The following SLC22A8 variants were observed in gnomAD, a reference collection of about 807,000 sequenced individuals.
The protein encoded by SLC22A8 is solute carrier family 22 member 8, also known as organic anion transporter 3.
SLC22A8 carries 40 observed loss-of-function variants against 48.4 expected under a neutral mutation model. The ratio of observed to expected loss-of-function variants is 0.83; its 90% confidence interval spans 0.64 to 1.08. SLC22A8 has a LOEUF of 1.08. SLC22A8 is among the 50% of genes least tolerant of loss of function. SLC22A8 has a pLI of 0.00. For synonymous variants in SLC22A8, 268 were observed against 286.3 expected, an observed-to-expected ratio of 0.94 and a Z score of 0.65; for missense variants, 606 against 699.0, an observed-to-expected ratio of 0.87 and a Z score of 1.50.
At chr11:63,007,505 T>G (rs2086569389) in intron 2 of SLC22A8, among the ~76,000 whole-genome samples, 1 of 152,192 alleles carries the variant, frequency 6.6e-6, no homozygotes, top group South Asian at 2.1e-4. Context: ...TTTGTATTTT[T>G]AGTAGAGACG....
intron 2 of SLC22A8, among the ~76,000 whole-genome samples, chr11:63,005,801 A>T (rs2086547657): frequency 6.6e-6 from 1 of 152,148 alleles, no homozygotes; most frequent in Non-Finnish European, 1.5e-5. Flanking sequence ...ACACACCAAC[A>T]CCTTGAGTTT....
At position 62,993,070 on chromosome 11, in the gene SLC22A8, G is replaced by T. The variant is rs1269433779; in HGVS notation, c.*167C>A. 3.4e-5 allele frequency: 21 copies of T among 609,116 alleles called. No individual in the cohort carries two copies. The Admixed American group carries it at 6.2e-4, about 18-fold the overall frequency. The allele number at this position is 609,116 out of a possible 1,614,324, so 37.7% of individuals were successfully genotyped here. ...GCAGGGATGGCTGAACCTTTGAACT[G>T]GCCAGGGCTGGGCAGGAGGCTCTGG... On this transcript the variant is annotated 3_prime_UTR_variant, in exon 11 of 11. Transcript: ENST00000336232.
chr11:62,995,455 A>G, intron 7 of SLC22A8: 1 of 540,164 alleles, frequency 1.9e-6, no homozygotes. Context: ...GGGGCCTGGA[A>G]CATTTGTCCT....
intron 2 of SLC22A8, among the ~76,000 whole-genome samples, chr11:63,002,900 T>G (rs1372384079): frequency 6.6e-6 from 1 of 152,192 alleles, no homozygotes; most frequent in Admixed American, 6.5e-5. Context: ...TATCATGCTA[T>G]TTTACAGATA....
chr11:63,006,609 T>G (rs1242698380), intron 2 of SLC22A8, among the ~76,000 whole-genome samples: 1 of 121,386 alleles, frequency 8.2e-6, no homozygotes, highest in Non-Finnish European at 1.7e-5. Flanking sequence ...TTTTTTTTTT[T>G]TTTTTTTTTT....
intron 2 of SLC22A8, among the ~76,000 whole-genome samples, chr11:63,003,922 G>A (rs1439039372): frequency 1.3e-5 from 2 of 152,118 alleles, no homozygotes; most frequent in Non-Finnish European, 2.9e-5. Flanking sequence ...ATGAGAAAGA[G>A]AAACACTTCA....
intron 2 of SLC22A8, among the ~76,000 whole-genome samples, chr11:63,011,219 G>A (rs575490085): frequency 2.2e-4 from 33 of 152,328 alleles, no homozygotes; most frequent in Admixed American, 1.8e-3. Context: ...TGTATGAAAC[G>A]TGAGGCCTTG....
At position 62,993,449 on chromosome 11, in the gene SLC22A8, C is replaced by T; in HGVS notation, c.1504G>A (p.Glu502Lys). Residue 502 changes from glutamate to lysine, a missense_variant, in exon 10 of 11, where the codon GAG (glutamate) becomes AAG (lysine). Transcript: ENST00000336232. The part of the protein sequence containing the change: ...LPETLNQPLP[E>K]TIEDLENWSL... Reference sequence around the variant, plus strand: ...CAGTTTTCCAGGTCTTCGATAGTCTCTGGCAAGGGCTGATTCAGGGTCTCA... The same window carrying T: ...CAGTTTTCCAGGTCTTCGATAGTCTTTGGCAAGGGCTGATTCAGGGTCTCA... The T allele has an allele frequency of 6.2e-7, 1 of 1,614,188 alleles. No homozygotes were observed. Among genetic ancestry groups the T allele is most frequent in the Non-Finnish European group, 8.5e-7 (1 of 1,180,022 alleles).
intron 2 of SLC22A8, among the ~76,000 whole-genome samples, chr11:63,002,238 A>G (rs916224641): frequency 2.6e-5 from 4 of 152,186 alleles, no homozygotes; most frequent in Non-Finnish European, 4.4e-5. Context: ...AAAAAAAATT[A>G]TATCATTTTT....
intron 1 of SLC22A8, among the ~76,000 whole-genome samples, chr11:63,015,510 G>A (rs938382759): frequency 6.6e-6 from 1 of 152,242 alleles, no homozygotes; most frequent in South Asian, 2.1e-4. Context: ...GGTTAGCAGA[G>A]TTCAGGTTGT....
intron 7 of SLC22A8, 60 bp from the exon 8 acceptor site, chr11:62,994,816 T>C (rs2086395789): frequency 7.8e-7 from 1 of 1,282,648 alleles, no homozygotes. Flanking sequence ...CTCCCCATGC[T>C]GGTCATTGGG....
intron 3 of SLC22A8, 65 bp downstream of exon 3, chr11:63,000,655 G>C: frequency 8.3e-7 from 1 of 1,199,924 alleles, no homozygotes; most frequent in Non-Finnish European, 1.2e-6. Context: ...TGCACGGGTG[G>C]AGCAGAGTAG....
intron 3 of SLC22A8, 45 bp from the exon 4 acceptor site, chr11:62,999,887 C>T (rs747886985): frequency 7.0e-7 from 1 of 1,422,428 alleles, no homozygotes; most frequent in South Asian, 1.6e-5. Flanking sequence ...CACAGTGTGC[C>T]TGCCAAGAGG....
In SLC22A8 at chr11:62,993,181, A is replaced by G; in HGVS notation, c.*56T>C. Reference sequence around the variant, plus strand: ...CTATATGGGGCCTCCCTATACTCCTAAGGTGCCTGGCTAGGATCAGTCTCT... The same window carrying G: ...CTATATGGGGCCTCCCTATACTCCTGAGGTGCCTGGCTAGGATCAGTCTCT... On this transcript the variant is annotated 3_prime_UTR_variant, in exon 11 of 11. Coordinates refer to ENST00000336232, the MANE Select transcript of SLC22A8 (RefSeq NM_004254.4). The G allele has an allele frequency of 7.2e-7, 1 of 1,391,706 alleles. No individual in the cohort carries two copies. The highest frequency in any genetic ancestry group is 1.0e-6 in the Non-Finnish European group (1 of 997,024). The allele number at this position is 1,391,706 out of a possible 1,614,324, so 86.2% of individuals were successfully genotyped here.
chr11:62,996,846 G>A (rs1370239706), intron 5 of SLC22A8, among the ~76,000 whole-genome samples: 1 of 152,244 alleles, frequency 6.6e-6, no homozygotes, highest in Non-Finnish European at 1.5e-5. Flanking sequence ...TGAGATGTGG[G>A]GAGAAAGGAG....
Position 63,014,819 on chromosome 11 carries a change from T to C in SLC22A8, c.140A>G (p.His47Arg), listed in dbSNP as rs2086656601. The C allele has an allele frequency of 5.0e-6, 8 of 1,612,436 alleles. No individual in the cohort carries two copies. The highest frequency in any genetic ancestry group is 6.8e-6 in the Non-Finnish European group (8 of 1,178,742). The change falls in exon 2 of 11, where the codon CAC (histidine) becomes CGC (arginine). Residue 47 changes from histidine (H) to arginine (R), a missense_variant. Physicochemically the swap from His to Arg is conservative, Grantham distance 29 (BLOSUM62 0). Transcript: ENST00000336232. ...LQIFTAATPV[H>R]HCRPPHNAST... ...GGCATTGTGGGGCGGGCGACAGTGG[T>C]GGACAGGGGTGGCGGCTGTGAAGAT...
chr11:63,014,170 G>A (rs1183512520), intron 2 of SLC22A8, among the ~76,000 whole-genome samples: 1 of 152,124 alleles, frequency 6.6e-6, no homozygotes, highest in East Asian at 1.9e-4. Context: ...TCAGTTCCAG[G>A]GGCATTTCTG....
At chr11:63,001,572 G>C (rs2086495511) in intron 2 of SLC22A8, among the ~76,000 whole-genome samples, 1 of 152,206 alleles carries the variant, frequency 6.6e-6, no homozygotes, top group Non-Finnish European at 1.5e-5. Flanking sequence ...CCCTCCGTCA[G>C]GCTTCCTGCT....
At position 62,995,711 on chromosome 11, in the gene SLC22A8, G is replaced by A. The variant is rs757221205; in HGVS notation, c.994C>T (p.Leu332=). 6.2e-7 allele frequency: 1 copy of A among 1,613,214 alleles called. No individual in the cohort carries two copies. Among genetic ancestry groups the A allele is most frequent in the East Asian group, 2.2e-5 (1 of 44,872 alleles). Residue 332 remains leucine, a synonymous_variant, in exon 7 of 11, where the codon CTG becomes TTG. Transcript: ENST00000336232. ...MLRRMTFCLS[L]AWFATGFAYY... is the part of the protein sequence containing the mutation. ...CAGGGAGAGGGGGGTTACCAGGCCA[G>A]GGAAAGACAGAAGGTCATGCGGCGC... is the stretch of plus-strand genomic sequence containing the variant.
Sources: gnomAD v4.1 joint callset for allele counts (sites outside exome capture counted in the v4.1 genomes callset) on GRCh38, gnomAD v4.1.1 for gene constraint, MANE v1.5 for transcripts, NCBI Gene and HGNC (gene_info 2026-07-23, HGNC 2026-07-21) for gene names.